Variants in LARP1 observed in about 807,000 individuals in gnomAD.
The protein encoded by LARP1 is La ribonucleoprotein 1, translational regulator.
LARP1 carries 36 observed loss-of-function variants against 122.7 expected under a neutral mutation model. The ratio of observed to expected loss-of-function variants is 0.29; its 90% confidence interval spans 0.22 to 0.39. The LOEUF is 0.39. Among genes scored for constraint, LARP1 ranks in the 10% least tolerant of loss-of-function variants. LARP1 has a pLI of 1.00. For missense variants in LARP1, 1,040 were observed against 1,403.6 expected (o/e 0.74, Z 4.14); for synonymous variants, 539 against 528.7 (o/e 1.02, Z -0.27).
At chr5:154,706,295 AAAT>A (rs138415109) in intron 1 of LARP1, among the ~76,000 whole-genome samples, 17,776 of 142,464 alleles carry the variant, frequency 0.12, 1,324 homozygotes, top group East Asian at 0.27. Flanking sequence ...CTTTGTCTCA[AAAT>A]AATAATAATA....
chr5:154,709,796 T>C (rs910132441), upstream of LARP1, among the ~76,000 whole-genome samples: 14 of 152,122 alleles, frequency 9.2e-5, no homozygotes, highest in African/African-American at 3.1e-4. Context: ...AGATGCAGCT[T>C]AATTGTCACT....
chr5:154,695,220 C>CAGG (rs1448022392), intron 1 of LARP1, among the ~76,000 whole-genome samples: 20 of 151,712 alleles, frequency 1.3e-4, no homozygotes, highest in Non-Finnish European at 2.6e-4. Flanking sequence ...GAGGCTGAGG[C>CAGG]AGAATGGCGT....
chr5:154,796,863 G>A (rs1271411186), intron 8 of LARP1, among the ~76,000 whole-genome samples: 1 of 152,186 alleles, frequency 6.6e-6, no homozygotes, highest in African/African-American at 2.4e-5. Context: ...ATAATTATGA[G>A]TTGATCTCTA....
At position 154,800,004 on chromosome 5, in the gene LARP1, G is replaced by C. The variant is rs749004526; in HGVS notation, c.1678G>C (p.Val560Leu). ...CCTGGATTCTGAGAACTGGATTGAA[G>C]TGAAGAAGAGGCCTCGGCCATCCCC... ...PDLDSENWIE[V>L]KKRPRPSPAR... Residue 560 changes from valine to leucine, a missense_variant, in exon 10 of 19, where the codon GTG becomes CTG. Val to Leu is a conservative substitution (Grantham distance 32). This residue lies in a region of LARP1 where 362 missense variants were observed against 533.1 expected (regional missense o/e 0.68). Coordinates refer to ENST00000518297, the MANE Select transcript of LARP1 (RefSeq NM_033551.3). The C allele has an allele frequency of 6.2e-7, 1 of 1,614,190 alleles. No homozygotes were observed. The highest frequency in any genetic ancestry group is 1.7e-5 in the Admixed American group (1 of 60,036).
intron 1 of LARP1, among the ~76,000 whole-genome samples, chr5:154,762,013 G>A (rs941120041): frequency 2.6e-5 from 4 of 152,108 alleles, no homozygotes; most frequent in African/African-American, 9.7e-5. Flanking sequence ...AGGCCGAGGC[G>A]GGCGGATCAT....
intron 8 of LARP1, among the ~76,000 whole-genome samples, chr5:154,796,722 T>C (rs1053971226): frequency 2.6e-5 from 4 of 152,226 alleles, no homozygotes; most frequent in African/African-American, 9.6e-5. Context: ...TCAGTCGGTC[T>C]TCATTTATTA....
intron 1 of LARP1, among the ~76,000 whole-genome samples, chr5:154,782,214 T>C (rs1198342085): frequency 6.6e-6 from 1 of 152,222 alleles, no homozygotes; most frequent in Non-Finnish European, 1.5e-5. Context: ...AGGTCAGTTT[T>C]TGGTACCTAG....
At chr5:154,805,254 G>A in intron 14 of LARP1, 1 of 258,014 alleles carries the variant, frequency 3.9e-6, no homozygotes, top group Non-Finnish European at 7.6e-6. Flanking sequence ...AATATTTACT[G>A]TTCAGTAAGT....
At chr5:154,725,699 G>A (rs547788495) in intron 1 of LARP1, among the ~76,000 whole-genome samples, 17 of 152,290 alleles carry the variant, frequency 1.1e-4, no homozygotes, top group Admixed American at 2.0e-4. Context: ...ATTTTCCTGC[G>A]CAAGGGATAT....
rs2113089847 is a variant in LARP1 at position 154,816,200 on chromosome 5, TTCCCTGCCCAGTCTGG to T, written c.*2106_*2121del. 6.5e-6 allele frequency: 1 copy of T among 152,928 alleles called. No homozygotes were observed. The highest frequency in any genetic ancestry group is 2.4e-5 in the African/African-American group (1 of 41,570). The allele number at this position is 152,928 out of a possible 1,614,324, so 9.5% of individuals were successfully genotyped here. A position where few individuals can be genotyped will look rare whatever the true frequency, so the allele number is the denominator to read the frequency against. On this transcript the variant is annotated 3_prime_UTR_variant, in exon 19 of 19. Coordinates refer to ENST00000518297, the MANE Select transcript of LARP1 (RefSeq NM_033551.3). The stretch of plus-strand genomic sequence containing the variant: ...GCTATGATGGTGGTATCCGAGGCCT[TTCCCTGCCCAGTCTGG>T]TGCCTGCCCCACATTGTACCGGACA...
chr5:154,709,302 T>G (rs967014061), upstream of LARP1, among the ~76,000 whole-genome samples: 1 of 152,236 alleles, frequency 6.6e-6, no homozygotes, highest in Non-Finnish European at 1.5e-5. Context: ...CTTCTGCTCT[T>G]CATGTTCACA....
rs1758490731 is a variant in LARP1, at chr5:154,803,281, C to T, written c.2110-9C>T. 1.9e-6 allele frequency: 3 copies of T among 1,614,192 alleles called. No homozygotes were observed. In the East Asian group the frequency reaches 6.7e-5, roughly 36 times the overall value. On this transcript the variant is annotated splice_polypyrimidine_tract_variant and intron_variant, in intron 11 of 18. Coordinates refer to ENST00000518297, the MANE Select transcript of LARP1 (RefSeq NM_033551.3). The surrounding 1 kb of genome is among the most constrained non-coding windows in gnomAD (Gnocchi z 4.4). The stretch of plus-strand genomic sequence containing the variant: ...ACATCTTTCCCCACTCATCTCATGA[C>T]CTCTGCAGCAAGAAGTCGAGAACTT...
chr5:154,793,514 CAGA>C (rs1429358075), intron 4 of LARP1, 78 bp from the exon 5 acceptor site: 1 of 1,576,032 alleles, frequency 6.3e-7, no homozygotes, highest in African/African-American at 1.3e-5. Context: ...AAGTCCAGGG[CAGA>C]AGAAGAGGAG....
intron 7 of LARP1, 147 bp from the exon 8 acceptor site, chr5:154,795,028 C>G: frequency 1.4e-6 from 1 of 723,230 alleles, no homozygotes; most frequent in Non-Finnish European, 2.3e-6. Context: ...TTCTTTTCAG[C>G]CCTCAACACT....
upstream of LARP1, among the ~76,000 whole-genome samples, chr5:154,755,011 C>T (rs1336345036): frequency 6.6e-6 from 1 of 152,182 alleles, no homozygotes; most frequent in Non-Finnish European, 1.5e-5. Flanking sequence ...CTCTCACGCG[C>T]TGGCCCTTTA....
At chr5:154,778,294 A>G (rs988649871) in intron 1 of LARP1, among the ~76,000 whole-genome samples, 2 of 151,730 alleles carry the variant, frequency 1.3e-5, no homozygotes, top group African/African-American at 4.8e-5. Context: ...CTCTGATTTA[A>G]AAATATTAAA....
intron 1 of LARP1, among the ~76,000 whole-genome samples, chr5:154,721,978 T>TAC (rs1755900475): frequency 6.6e-6 from 1 of 152,152 alleles, no homozygotes; most frequent in African/African-American, 2.4e-5. Context: ...TCTACCAGCT[T>TAC]ACCTCCTAAA....
chr5:154,745,395 A>C (rs1321653532), intron 1 of LARP1, among the ~76,000 whole-genome samples: 1 of 152,236 alleles, frequency 6.6e-6, no homozygotes, highest in Non-Finnish European at 1.5e-5. Context: ...ACTCTATGCC[A>C]GTGACCACTA....
intron 1 of LARP1, among the ~76,000 whole-genome samples, chr5:154,774,390 G>C (rs1755692842): frequency 6.6e-6 from 1 of 152,182 alleles, no homozygotes; most frequent in Non-Finnish European, 1.5e-5. Flanking sequence ...TCCAGGCTGG[G>C]GAGGGTCTGC....
Sources: allele counts gnomAD v4.1 joint callset (sites outside exome capture counted in the v4.1 genomes callset), GRCh38; gene constraint gnomAD v4.1.1; regional missense constraint gnomAD v4.1.1; non-coding constraint Gnocchi (gnomAD v3.1); transcripts MANE v1.5; gene names NCBI Gene and HGNC (gene_info 2026-07-23, HGNC 2026-07-21).